The following GLP1R variants were observed in gnomAD, a reference collection of about 807,000 sequenced individuals.
GLP1R encodes glucagon-like peptide 1 receptor.
GLP1R carries 32 observed loss-of-function variants against 68.4 expected under a neutral mutation model. The ratio of observed to expected loss-of-function variants is 0.47; its 90% CI spans 0.35 to 0.63. The LOEUF is 0.63. Ranked by LOEUF, GLP1R falls within the 20% of genes least tolerant of loss-of-function variation. The pLI is 0.00. For synonymous variants in GLP1R, 263 were observed against 244.4 expected (o/e 1.08, Z -0.71); for missense variants, 502 against 594.9 (o/e 0.84, Z 1.62).
At chr6:39,063,669 A>G (rs1325875912) in intron 3 of GLP1R, among the ~76,000 whole-genome samples, 1 of 152,016 alleles carries the variant, frequency 6.6e-6, no homozygotes, top group Non-Finnish European at 1.5e-5. Context: ...GGAGGAGAAG[A>G]AAGAGCAGGG....
rs1769141785 is a variant in GLP1R, at chr6:39,086,184, CACACACACACACACACACACAT to C, written c.*115_*136del. The C allele has an allele frequency of 1.4e-6, 1 of 706,306 alleles. No homozygotes were observed. Among genetic ancestry groups the C allele is most frequent in the East Asian group, 2.8e-5 (1 of 36,292 alleles). 43.8% of individuals were successfully genotyped at this position (706,306 alleles called of 1,614,324 possible). The stretch of plus-strand genomic sequence containing the variant: ...AGGAAGGGACACACACACACACACA[CACACACACACACACACACACAT>C]ACATCCTGCTTTCCCTCCCCAAACC... On this transcript the variant is annotated 3_prime_UTR_variant, in exon 13 of 13. Transcript: ENST00000373256. This position sits in a 1 kb window ranked among gnomAD's most constrained non-coding sequence, Gnocchi z 4.5.
chr6:39,060,017 T>C (rs1446933527), intron 3 of GLP1R, among the ~76,000 whole-genome samples: 4 of 152,050 alleles, frequency 2.6e-5, no homozygotes, highest in African/African-American at 7.2e-5. Flanking sequence ...ACCAGGCTAA[T>C]TTACTCCCTT....
chr6:39,070,978 T>TA (rs35021623), intron 5 of GLP1R, among the ~76,000 whole-genome samples: 65,916 of 151,898 alleles, frequency 0.43, 15,535 homozygotes, highest in Non-Finnish European at 0.52. Context: ...AAGCAGTTGA[T>TA]AACAGTTAAT....
chr6:39,074,564 T>G (rs1267187343), intron 7 of GLP1R, among the ~76,000 whole-genome samples: 2 of 151,982 alleles, frequency 1.3e-5, no homozygotes, highest in Non-Finnish European at 2.9e-5. Flanking sequence ...TCCATGAGTT[T>G]TCCTGTTCCA....
chr6:39,050,912 G>A (rs1247659674), intron 1 of GLP1R, among the ~76,000 whole-genome samples: 5 of 152,084 alleles, frequency 3.3e-5, no homozygotes, highest in Non-Finnish European at 2.9e-5. Context: ...CTACTCAGAC[G>A]GGACTGAAGG....
intron 3 of GLP1R, among the ~76,000 whole-genome samples, chr6:39,059,203 G>C (rs1250129325): frequency 1.3e-5 from 2 of 152,192 alleles, no homozygotes; most frequent in African/African-American, 4.8e-5. Context: ...CACTTTCCGT[G>C]CTACACTCTT....
chr6:39,050,171 C>T (rs1297531540), intron 1 of GLP1R, among the ~76,000 whole-genome samples: 1 of 152,180 alleles, frequency 6.6e-6, no homozygotes, highest in African/African-American at 2.4e-5. Flanking sequence ...GAGACAACCT[C>T]CCCCTTCCAA....
intron 8 of GLP1R, 40 bp from the exon 9 acceptor site, chr6:39,078,917 G>A: frequency 6.4e-7 from 1 of 1,563,752 alleles, no homozygotes; most frequent in Non-Finnish European, 8.8e-7. Flanking sequence ...GGTCCTGTGA[G>A]TCCTGCTGGA....
At chr6:39,053,945 C>T (rs1768149322) in intron 1 of GLP1R, among the ~76,000 whole-genome samples, 1 of 152,152 alleles carries the variant, frequency 6.6e-6, no homozygotes, top group Non-Finnish European at 1.5e-5. Context: ...CCTCTGCTCT[C>T]CGGAGCACTG....
intron 7 of GLP1R, chr6:39,074,213 G>C (rs563879191): frequency 6.2e-6 from 1 of 161,200 alleles, no homozygotes; most frequent in East Asian, 1.8e-4. Context: ...GTCACATGAC[G>C]ATGAAGAGGA....
At chr6:39,059,991 C>T (rs927029814) in intron 3 of GLP1R, among the ~76,000 whole-genome samples, 8 of 152,156 alleles carry the variant, frequency 5.3e-5, no homozygotes, top group Admixed American at 3.3e-4. Flanking sequence ...TCCCCAACCC[C>T]GTCCCCCTGC....
chr6:39,048,879 G>C lies in GLP1R; in HGVS notation c.39G>C (p.Leu13=). The change falls in exon 1 of 13, where the codon CTG becomes CTC. Residue 13 remains leucine, a synonymous_variant. Transcript: ENST00000373256. ...CCGGCCCGCTGCGCCTTGCGCTGCT[G>C]CTGCTCGGGATGGTGGGCAGGGCCG... ...GAPGPLRLAL[L]LLGMVGRAGP... 1 of 1,498,968 alleles carries C rather than the reference G, an allele frequency of 6.7e-7. No individual in the cohort carries two copies. Among genetic ancestry groups the C allele is most frequent in the South Asian group, 1.3e-5 (1 of 78,934 alleles). 92.9% of individuals were successfully genotyped at this position (1,498,968 alleles called of 1,614,324 possible).
At chr6:39,082,502 G>T (rs992040597) in intron 12 of GLP1R, among the ~76,000 whole-genome samples, 71 of 152,310 alleles carry the variant, frequency 4.7e-4, no homozygotes, top group African/African-American at 1.6e-3. Context: ...CCTGGGACAG[G>T]TCTTAGAGGA....
At chr6:39,081,911 C>G (rs1182148043) in intron 12 of GLP1R, among the ~76,000 whole-genome samples, 1 of 152,186 alleles carries the variant, frequency 6.6e-6, no homozygotes, top group Admixed American at 6.5e-5. Context: ...GAAAGGGGAA[C>G]AGAGAACAAG....
chr6:39,082,669 C>A (rs1309904392), intron 12 of GLP1R, among the ~76,000 whole-genome samples: 7 of 152,154 alleles, frequency 4.6e-5, no homozygotes, highest in African/African-American at 1.7e-4. Flanking sequence ...GGTGGCCTCC[C>A]CTCCAGGAAT....
chr6:39,053,704 C>T (rs1052466223), intron 1 of GLP1R, among the ~76,000 whole-genome samples: 2 of 152,212 alleles, frequency 1.3e-5, no homozygotes, highest in East Asian at 1.9e-4. Context: ...CTCTTGCACT[C>T]GGTTGCAAAC....
In GLP1R at chr6:39,057,557, G is replaced by C; in HGVS notation, c.261G>C (p.Trp87Cys). 6.2e-7 allele frequency: 1 copy of C among 1,608,412 alleles called. No homozygotes were observed. The highest frequency in any genetic ancestry group is 8.5e-7 in the Non-Finnish European group (1 of 1,177,030). The change falls in exon 3 of 13, where the codon TGG becomes TGC. Residue 87 changes from tryptophan to cysteine, a missense_variant. By Grantham distance (215) the Trp-to-Cys change is radical. Coordinates refer to ENST00000373256, the MANE Select transcript of GLP1R (RefSeq NM_002062.5). ...CGTTCGTGAATGTCAGCTGCCCCTGGTACCTGCCCTGGGCCAGCAGTGGTG... is the reference window on the plus strand; with the variant it reads ...CGTTCGTGAATGTCAGCTGCCCCTGCTACCTGCCCTGGGCCAGCAGTGGTG... ...PGSFVNVSCP[W>C]YLPWASSVPQ...
intron 1 of GLP1R, among the ~76,000 whole-genome samples, chr6:39,050,531 CTGGGGGCATAACAGGAT>C (rs1768063257): frequency 6.6e-6 from 1 of 151,994 alleles, no homozygotes; most frequent in African/African-American, 2.4e-5. Context: ...GCTGGGCATC[CTGGGGGCATAACAGGAT>C]TGGGGTGGTA....
At chr6:39,062,247 C>A (rs1169042769) in intron 3 of GLP1R, among the ~76,000 whole-genome samples, 1 of 152,216 alleles carries the variant, frequency 6.6e-6, no homozygotes, top group African/African-American at 2.4e-5. Flanking sequence ...GGCTGCCCTG[C>A]TGCCTCCCTG....
Sources: allele counts gnomAD v4.1 joint callset (sites outside exome capture counted in the v4.1 genomes callset), GRCh38; gene constraint gnomAD v4.1.1; non-coding constraint Gnocchi (gnomAD v3.1); transcripts MANE v1.5; gene names NCBI Gene and HGNC (gene_info 2026-07-23, HGNC 2026-07-21).